The following USH2A variants were observed in gnomAD, a reference collection of about 807,000 sequenced individuals.
USH2A encodes the protein Usher syndrome 2A (autosomal recessive, mild).
A neutral mutation model predicts 538.9 loss-of-function variants in USH2A; 443 were observed. The ratio of observed to expected loss-of-function variants is 0.82; its 90% CI spans 0.76 to 0.89. USH2A has a LOEUF of 0.89. USH2A is among the 40% of genes least tolerant of loss of function. The pLI is 0.00. For missense variants in USH2A, 6,633 were observed against 6,324.8 expected, an observed-to-expected ratio of 1.05 and a Z score of -1.65; for synonymous variants, 2,413 against 2,273.5, an observed-to-expected ratio of 1.06 and a Z score of -1.75.
In USH2A at chr1:215,743,221, G is replaced by A. The variant is rs11120616; in HGVS notation, c.11504C>T (p.Thr3835Ile). 340,213 of 1,605,504 alleles carry A rather than the reference G, an allele frequency of 0.21. 37,953 individuals carry two copies. The highest frequency in any genetic ancestry group is 0.23 in the Non-Finnish European group (268,475 of 1,174,984). ...CCTTATCTCATACTGTGTGAATGGAGTCAAATTTTCCAGAAGGGTGGATTG... is the reference window on the plus strand; with the variant it reads ...CCTTATCTCATACTGTGTGAATGGAATCAAATTTTCCAGAAGGGTGGATTG... Reference protein sequence around the residue: ...HHQSTLLENLTPFTQYEIRIQ... With the variant: ...HHQSTLLENLIPFTQYEIRIQ... The change falls in exon 59 of 72, where the codon ACT becomes ATT. Residue 3835 changes from threonine to isoleucine, a missense_variant. Thr to Ile is a moderately conservative substitution (Grantham distance 89). Coordinates refer to ENST00000307340, the MANE Select transcript of USH2A (RefSeq NM_206933.4).
chr1:215,681,155 C>T (rs1658214795), intron 61 of USH2A, among the ~76,000 whole-genome samples: 1 of 152,032 alleles, frequency 6.6e-6, no homozygotes, highest in Non-Finnish European at 1.5e-5. Flanking sequence ...TGTTTTTCTG[C>T]TTGGAGAGCA....
chr1:215,941,107 T>A (rs1484025042), intron 37 of USH2A, among the ~76,000 whole-genome samples: 1 of 152,118 alleles, frequency 6.6e-6, no homozygotes, highest in Non-Finnish European at 1.5e-5. Context: ...CCTAAATGTA[T>A]CTCATTTTAT....
Position 216,086,694 on chromosome 1 carries a change from A to C in USH2A, c.4987+25T>G, listed in dbSNP as rs961253153. ...TTCTATTCTAAGTTTGGATGACAAC[A>C]TATAATATACCTTACTAAACTCACC... On this transcript the variant is annotated intron_variant, in intron 24 of 71. Transcript: ENST00000307340. 3 of 1,530,368 alleles carry C rather than the reference A, an allele frequency of 2.0e-6. No individual in the cohort carries two copies. The Admixed American group carries it at 5.0e-5, about 26-fold the overall frequency. The allele number at this position is 1,530,368 out of a possible 1,614,324, so 94.8% of individuals were successfully genotyped here.
At chr1:215,986,762 A>C (rs1361092066) in intron 35 of USH2A, among the ~76,000 whole-genome samples, 1 of 152,194 alleles carries the variant, frequency 6.6e-6, no homozygotes, top group Non-Finnish European at 1.5e-5. Context: ...ATTGCATATG[A>C]ATATGCTTCT....
At chr1:216,292,034 G>T in intron 10 of USH2A, 141 bp downstream of exon 10, 1 of 935,018 alleles carries the variant, frequency 1.1e-6, no homozygotes, top group Non-Finnish European at 1.6e-6. Flanking sequence ...AAGATTTGGT[G>T]AACTAGCTTT....
At chr1:215,751,953 T>C (rs1660634379) in intron 58 of USH2A, among the ~76,000 whole-genome samples, 1 of 152,166 alleles carries the variant, frequency 6.6e-6, no homozygotes, top group Non-Finnish European at 1.5e-5. Flanking sequence ...GCCCATTCCA[T>C]GTTAGAAAAC....
chr1:215,962,360 T>C (rs1667222080), intron 37 of USH2A, among the ~76,000 whole-genome samples: 1 of 152,134 alleles, frequency 6.6e-6, no homozygotes, highest in South Asian at 2.1e-4. Flanking sequence ...CATATGTTTA[T>C]TCATTGAGGC....
chr1:216,005,266 A>G (rs1046572815), intron 32 of USH2A, among the ~76,000 whole-genome samples: 4 of 151,990 alleles, frequency 2.6e-5, no homozygotes, highest in Admixed American at 6.6e-5. Context: ...TCATCCTTCT[A>G]TGAGTGGTCT....
At chr1:216,278,960 T>C (rs554916521) in intron 11 of USH2A, among the ~76,000 whole-genome samples, 31 of 152,262 alleles carry the variant, frequency 2.0e-4, no homozygotes, top group Non-Finnish European at 4.0e-4. Flanking sequence ...TTTTCATGAG[T>C]AGGGTCTCTG....
intron 58 of USH2A, among the ~76,000 whole-genome samples, chr1:215,748,245 T>C (rs1660537277): frequency 6.6e-6 from 1 of 152,098 alleles, no homozygotes; most frequent in Admixed American, 6.6e-5. Context: ...TGCCTCACGG[T>C]GAACCCACAT....
At chr1:216,013,772 C>A (rs1668636594) in intron 32 of USH2A, among the ~76,000 whole-genome samples, 1 of 152,198 alleles carries the variant, frequency 6.6e-6, no homozygotes, top group African/African-American at 2.4e-5. Context: ...TTCGCTGACT[C>A]TCTTTTCGGA....
intron 56 of USH2A, among the ~76,000 whole-genome samples, chr1:215,763,412 C>T (rs998006483): frequency 6.6e-6 from 1 of 151,990 alleles, no homozygotes; most frequent in Non-Finnish European, 1.5e-5. Context: ...ATGCGTGAAC[C>T]AAGTTTTGAA....
At chr1:215,934,028 A>T (rs1666430468) in intron 38 of USH2A, among the ~76,000 whole-genome samples, 1 of 152,008 alleles carries the variant, frequency 6.6e-6, no homozygotes, top group Admixed American at 6.6e-5. Flanking sequence ...AATATTTAAA[A>T]TAAAAATATG....
At chr1:216,320,991 G>A (rs1415872177) in intron 9 of USH2A, among the ~76,000 whole-genome samples, 1 of 151,788 alleles carries the variant, frequency 6.6e-6, no homozygotes, top group Non-Finnish European at 1.5e-5. Flanking sequence ...TATTTCATTT[G>A]CTTAGCTGAT....
At chr1:215,974,268 G>A (rs12403054) in intron 35 of USH2A, among the ~76,000 whole-genome samples, 7,120 of 152,172 alleles carry the variant, frequency 0.047, 207 homozygotes, top group Admixed American at 0.086. Context: ...CAAATATAAT[G>A]TAGTGGACAT....
chr1:215,717,647 A>G (rs1659523246), intron 61 of USH2A, among the ~76,000 whole-genome samples: 2 of 152,248 alleles, frequency 1.3e-5, no homozygotes, highest in African/African-American at 4.8e-5. Flanking sequence ...TAGATTCTCA[A>G]AAGAGAAATA....
chr1:216,411,660 G>A (rs2039492113), intron 3 of USH2A, among the ~76,000 whole-genome samples: 1 of 152,092 alleles, frequency 6.6e-6, no homozygotes, highest in African/African-American at 2.4e-5. Context: ...TGGGTTCCCG[G>A]CCTTGCTGTG....
chr1:216,284,223 C>A (rs1406918798), intron 11 of USH2A, among the ~76,000 whole-genome samples: 1 of 152,058 alleles, frequency 6.6e-6, no homozygotes, highest in Non-Finnish European at 1.5e-5. Flanking sequence ...TTCGCTGTGT[C>A]CCCACCCAAA....
At chr1:216,148,723 T>A (rs1021384024) in intron 21 of USH2A, among the ~76,000 whole-genome samples, 45 of 151,898 alleles carry the variant, frequency 3.0e-4, no homozygotes, top group Admixed American at 8.5e-4. Context: ...CTATACACCC[T>A]GTGGTGCCAA....
Sources: allele counts gnomAD v4.1 joint callset (sites outside exome capture counted in the v4.1 genomes callset), GRCh38; gene constraint gnomAD v4.1.1; transcripts MANE v1.5; gene names NCBI Gene and HGNC (gene_info 2026-07-23, HGNC 2026-07-21).